Variants in PDLIM5 observed in about 807,000 individuals in gnomAD.
PDLIM5 encodes the protein PDZ and LIM domain protein 5.
A neutral mutation model predicts 64.2 loss-of-function variants in PDLIM5; 34 were observed. That is an observed-to-expected ratio of 0.53 (90% CI 0.40 to 0.71). The LOEUF is 0.71. Among genes scored for constraint, PDLIM5 ranks in the 30% least tolerant of loss-of-function variants. PDLIM5 has a pLI of 0.00. For synonymous variants in PDLIM5, 253 were observed against 269.1 expected (o/e 0.94, Z 0.59); for missense variants, 683 against 733.6 (o/e 0.93, Z 0.80).
At chr4:94,614,261 A>G (rs565280008) in intron 7 of PDLIM5, among the ~76,000 whole-genome samples, 120 of 152,144 alleles carry the variant, frequency 7.9e-4, no homozygotes, top group African/African-American at 2.7e-3. Context: ...GCGCCCAGCC[A>G]ATCCTTTCAT....
chr4:94,661,378 G>A (rs1282569472), intron 11 of PDLIM5, among the ~76,000 whole-genome samples: 1 of 151,960 alleles, frequency 6.6e-6, no homozygotes, highest in Non-Finnish European at 1.5e-5. Flanking sequence ...GGGTGACAGA[G>A]CAAGACCCTG....
intron 8 of PDLIM5, among the ~76,000 whole-genome samples, chr4:94,631,901 A>G (rs1009703934): frequency 7.2e-5 from 11 of 152,350 alleles, no homozygotes; most frequent in African/African-American, 2.2e-4. Flanking sequence ...TGACTCCCAC[A>G]GACTCAAATG....
chr4:94,646,074 C>T (rs564778438), intron 9 of PDLIM5, among the ~76,000 whole-genome samples: 7 of 152,282 alleles, frequency 4.6e-5, no homozygotes, highest in Admixed American at 3.3e-4. Flanking sequence ...AAGCAACATT[C>T]GTTGAGTATT....
chr4:94,467,792 T>C (rs112096423), intron 2 of PDLIM5, among the ~76,000 whole-genome samples: 1,809 of 152,324 alleles, frequency 0.012, 41 homozygotes, highest in African/African-American at 0.041. Context: ...GTTCTACTTC[T>C]TTTCTTTAGT....
At chr4:94,508,897 A>G (rs1235538136) in intron 2 of PDLIM5, among the ~76,000 whole-genome samples, 1 of 152,070 alleles carries the variant, frequency 6.6e-6, no homozygotes, top group East Asian at 1.9e-4. Flanking sequence ...AGACACCTTT[A>G]ATTGCCTGCC....
At chr4:94,479,514 A>G (rs1725666073) in intron 2 of PDLIM5, among the ~76,000 whole-genome samples, 6 of 148,626 alleles carry the variant, frequency 4.0e-5, no homozygotes, top group Non-Finnish European at 7.4e-5. Flanking sequence ...TTTTTTTTGT[A>G]GAGATGGCAT....
intron 2 of PDLIM5, among the ~76,000 whole-genome samples, chr4:94,490,957 G>A (rs1473300739): frequency 6.6e-6 from 1 of 152,084 alleles, no homozygotes. Context: ...TAAAATGACT[G>A]TATACCATTG....
intron 3 of PDLIM5, among the ~76,000 whole-genome samples, chr4:94,530,974 T>G (rs1248852511): frequency 1.3e-5 from 2 of 152,142 alleles, no homozygotes; most frequent in South Asian, 4.2e-4. Context: ...GAGGCAGGAG[T>G]TTAGAAAGTA....
intron 7 of PDLIM5, among the ~76,000 whole-genome samples, chr4:94,615,913 C>G (rs1211739434): frequency 6.6e-6 from 1 of 152,120 alleles, no homozygotes; most frequent in Non-Finnish European, 1.5e-5. Context: ...GGCTGTCATG[C>G]TTCTCTAGGT....
At chr4:94,628,303 A>G (rs529380386) in intron 8 of PDLIM5, among the ~76,000 whole-genome samples, 211 of 152,306 alleles carry the variant, frequency 1.4e-3, no homozygotes, top group Admixed American at 3.2e-3. Context: ...CTGACCTACC[A>G]TCTCTGCTTT....
rs201581405 is a variant in PDLIM5, at chr4:94,579,470, T to TA, written c.710+3445dup. 5.2e-4 allele frequency: 498 copies of TA among 961,264 alleles called. 1 individual carries two copies. Among genetic ancestry groups the TA allele is most frequent in the South Asian group, 8.1e-4 (44 of 54,228 alleles). 59.5% of individuals were successfully genotyped at this position (961,264 alleles called of 1,614,324 possible). A position where few individuals can be genotyped will look rare whatever the true frequency, so the allele number is the denominator to read the frequency against. On this transcript the variant is annotated intron_variant, in intron 5 of 12. Coordinates refer to ENST00000317968, the MANE Select transcript of PDLIM5 (RefSeq NM_006457.5). ...TTTGAAGAACCTGGCCTTGGAAGATTAAAAAAAAATGATGTGGTAGTAATA... is the reference window on the plus strand; with the variant it reads ...TTTGAAGAACCTGGCCTTGGAAGATTAAAAAAAAAATGATGTGGTAGTAATA...
At chr4:94,515,211 A>G (rs1195830289) in intron 2 of PDLIM5, among the ~76,000 whole-genome samples, 2 of 152,206 alleles carry the variant, frequency 1.3e-5, no homozygotes, top group African/African-American at 4.8e-5. Context: ...AAAGTGGAAT[A>G]GTATAAAACA....
At chr4:94,587,749 T>A in intron 7 of PDLIM5, 1 of 978,846 alleles carries the variant, frequency 1.0e-6, no homozygotes, top group Non-Finnish European at 1.2e-6. Context: ...TATTCTTTGG[T>A]TTGGTTGGAT....
At position 94,575,729 on chromosome 4, in the gene PDLIM5, G is replaced by A. The variant is rs1459636913; in HGVS notation, c.405G>A (p.Val135=). The change falls in exon 5 of 13, where the codon GTG becomes GTA. Residue 135 remains valine, a synonymous_variant. Coordinates refer to ENST00000317968, the MANE Select transcript of PDLIM5 (RefSeq NM_006457.5). ...YNKAPRPFGS[V]SSPKVTSIPS... The stretch of plus-strand genomic sequence containing the variant: ...AGGCACCACGGCCTTTTGGTTCTGT[G>A]TCTTCACCAAAAGTCACATCCATCC... 1.2e-6 allele frequency: 2 copies of A among 1,614,058 alleles called. No homozygotes were observed. The highest frequency in any genetic ancestry group is 2.2e-5 in the East Asian group (1 of 44,884).
intron 2 of PDLIM5, among the ~76,000 whole-genome samples, chr4:94,463,862 AT>A: frequency 6.6e-6 from 1 of 152,154 alleles, no homozygotes; most frequent in Non-Finnish European, 1.5e-5. Context: ...GTGTGTTTTT[AT>A]TATCAACCTT....
intron 2 of PDLIM5, among the ~76,000 whole-genome samples, chr4:94,473,162 C>G (rs900497920): frequency 6.6e-6 from 1 of 152,172 alleles, no homozygotes; most frequent in Non-Finnish European, 1.5e-5. Flanking sequence ...GGGTAAAGAC[C>G]TTGAGGTGAG....
chr4:94,502,744 G>A (rs1440261368), intron 2 of PDLIM5, among the ~76,000 whole-genome samples: 1 of 152,042 alleles, frequency 6.6e-6, no homozygotes, highest in African/African-American at 2.4e-5. Flanking sequence ...GGGCGGGGTG[G>A]TATGCACCTG....
chr4:94,465,741 T>C (rs555776039), intron 2 of PDLIM5, among the ~76,000 whole-genome samples: 1 of 152,230 alleles, frequency 6.6e-6, no homozygotes, highest in African/African-American at 2.4e-5. Context: ...ATGAAGAAAC[T>C]GAGGGGCAGA....
At chr4:94,613,798 G>GA (rs10627637) in intron 7 of PDLIM5, among the ~76,000 whole-genome samples, 1 of 151,964 alleles carries the variant, frequency 6.6e-6, no homozygotes, top group Non-Finnish European at 1.5e-5. Flanking sequence ...TTTAAATTTA[G>GA]AAAATATATT....
Sources: gnomAD v4.1 joint callset for allele counts (sites outside exome capture counted in the v4.1 genomes callset) on GRCh38, gnomAD v4.1.1 for gene constraint, MANE v1.5 for transcripts, NCBI Gene and HGNC (gene_info 2026-07-23, HGNC 2026-07-21) for gene names.